PYROXD1: variants seen among roughly 807,000 people sequenced by gnomAD.
PYROXD1 encodes pyridine nucleotide-disulphide oxidoreductase domain 1.
Under a neutral mutation model 62.0 loss-of-function variants are expected in PYROXD1, and 42 were observed. That is an observed-to-expected ratio of 0.68 (90% CI 0.53 to 0.88). PYROXD1 has a LOEUF of 0.88. Among genes scored for constraint, PYROXD1 ranks in the 40% least tolerant of loss-of-function variants. The pLI, the probability that PYROXD1 is intolerant of heterozygous loss-of-function variation, is 0.00. For synonymous variants in PYROXD1, 170 were observed against 206.4 expected (o/e 0.82, Z 1.51); for missense variants, 493 against 604.8 (o/e 0.82, Z 1.94).
rs773869207 is a variant in PYROXD1 at position 21,462,778 on chromosome 12, T to A, written c.1032T>A (p.Asp344Glu). The change falls in exon 10 of 12, where the codon GAT (aspartate) becomes GAA (glutamate). Residue 344 changes from aspartate (D) to glutamate (E), a missense_variant. Asp to Glu is a conservative substitution (Grantham distance 45, BLOSUM62 2). This residue lies in a region of PYROXD1 where 329 missense variants were observed against 446.6 expected (regional missense o/e 0.74). Transcript: ENST00000240651. ...LGEDGGLKVD[D>E]HMHTSLPDIY... ...AAGATGGTGGCCTGAAAGTGGATGA[T>A]CATATGCACACATCCCTTCCTGATA... 3 of 1,613,772 alleles carry A rather than the reference T, an allele frequency of 1.9e-6. No homozygotes were observed. Among genetic ancestry groups the A allele is most frequent in the Non-Finnish European group, 2.5e-6 (3 of 1,179,808 alleles).
intron 3 of PYROXD1, among the ~76,000 whole-genome samples, chr12:21,447,347 T>C (rs563814589): frequency 6.6e-6 from 1 of 152,216 alleles, no homozygotes. Flanking sequence ...CTAATACTTA[T>C]AGTGGTATTA....
chr12:21,456,790 C>G (rs1004456493), intron 7 of PYROXD1: 8 of 419,670 alleles, frequency 1.9e-5, no homozygotes, highest in African/African-American at 1.0e-4. Context: ...GAAGTTCTTT[C>G]AAAAGTCAAT....
chr12:21,440,929 T>C (rs550660297), intron 2 of PYROXD1, among the ~76,000 whole-genome samples: 1 of 152,344 alleles, frequency 6.6e-6, no homozygotes, highest in South Asian at 2.1e-4. Flanking sequence ...ATGATTTTTG[T>C]CCTTTGTTCT....
intron 2 of PYROXD1, among the ~76,000 whole-genome samples, chr12:21,444,418 A>G (rs1195734745): frequency 6.6e-6 from 1 of 152,218 alleles, no homozygotes; most frequent in Admixed American, 6.5e-5. Flanking sequence ...GGGATTAAGG[A>G]TGAGATATGA....
chr12:21,460,876 T>TAA (rs1463041538), intron 7 of PYROXD1, 149 bp from the exon 8 acceptor site: 2 of 459,760 alleles, frequency 4.4e-6, no homozygotes, highest in Non-Finnish European at 7.5e-6. Context: ...TAGAGAGACT[T>TAA]ATTTTAGGGC....
intron 7 of PYROXD1, among the ~76,000 whole-genome samples, chr12:21,456,306 T>A (rs1213706618): frequency 6.6e-6 from 1 of 152,178 alleles, no homozygotes; most frequent in African/African-American, 2.4e-5. Context: ...GATCTCAGCC[T>A]ACGTTTTAAC....
rs6500 is a variant in PYROXD1, at chr12:21,471,035, A to G, written c.*2281A>G. The stretch of plus-strand genomic sequence containing the variant: ...TAGCATGTGCCTCATTGTTCAGAAG[A>G]TTAGCTTTAGGTCCTATTTTCAAAT... On this transcript the variant is annotated 3_prime_UTR_variant, in exon 12 of 12. Transcript: ENST00000240651. 153,571 of 1,599,836 alleles carry G rather than the reference A, an allele frequency of 0.096. 8,548 individuals carry two copies. The highest frequency in any genetic ancestry group is 0.29 in the East Asian group (12,495 of 43,412).
intron 1 of PYROXD1, chr12:21,438,090 G>C (rs1459511339): frequency 9.2e-6 from 4 of 433,430 alleles, no homozygotes; most frequent in South Asian, 9.4e-5. Flanking sequence ...TGTCAGAGCA[G>C]ACATGAGGAC....
intron 8 of PYROXD1, among the ~76,000 whole-genome samples, chr12:21,461,682 G>A (rs755048498): frequency 1.1e-4 from 16 of 151,964 alleles, no homozygotes; most frequent in Non-Finnish European, 1.0e-4. Flanking sequence ...ACACTTAAGT[G>A]GAGTGTAAAG....
At chr12:21,462,718 G>A (rs374732110) in intron 9 of PYROXD1, 22 bp from the exon 10 acceptor site, 13 of 1,611,590 alleles carry the variant, frequency 8.1e-6, no homozygotes, top group Middle Eastern at 1.8e-4. Flanking sequence ...AACACTTAAC[G>A]CTTATGAGGA....
In PYROXD1 at chr12:21,468,485, C is replaced by A. The variant is rs11046075; in HGVS notation, c.1255-21C>A. 153,868 of 1,597,556 alleles carry A rather than the reference C, an allele frequency of 0.096. 8,587 individuals carry two copies. Among genetic ancestry groups the A allele is most frequent in the East Asian group, 0.29 (12,909 of 44,476 alleles). The stretch of plus-strand genomic sequence containing the variant: ...TTCTTTATGATACTCATGACAATAA[C>A]CTTTTTATCTCTAAATATAGGTTGT... On this transcript the variant is annotated intron_variant, in intron 11 of 11. Transcript: ENST00000240651.
chr12:21,468,780 T>C lies in PYROXD1; in HGVS notation c.*26T>C. The C allele has an allele frequency of 1.3e-6, 2 of 1,588,476 alleles. No individual in the cohort carries two copies. The highest frequency in any genetic ancestry group is 1.7e-6 in the Non-Finnish European group (2 of 1,163,802). On this transcript the variant is annotated 3_prime_UTR_variant, in exon 12 of 12. Coordinates refer to ENST00000240651, the MANE Select transcript of PYROXD1 (RefSeq NM_024854.5). ...AAATGGAATTTCTTCAGGAATCATATAAAGTTCCAAATGACACCAGAAAAA... is the reference window on the plus strand; with the variant it reads ...AAATGGAATTTCTTCAGGAATCATACAAAGTTCCAAATGACACCAGAAAAA...
intron 3 of PYROXD1, among the ~76,000 whole-genome samples, chr12:21,446,221 A>T (rs937309249): frequency 6.6e-6 from 1 of 152,068 alleles, no homozygotes; most frequent in African/African-American, 2.4e-5. Context: ...CAGGAGATTG[A>T]GACCATCCTG....
intron 8 of PYROXD1, 70 bp downstream of exon 8, chr12:21,461,224 G>T: frequency 1.0e-6 from 1 of 956,194 alleles, no homozygotes; most frequent in Non-Finnish European, 1.5e-6. Flanking sequence ...ATCCTGCTGT[G>T]TTCTATTAAA....
At chr12:21,450,718 T>C (rs1414289023) in intron 4 of PYROXD1, among the ~76,000 whole-genome samples, 1 of 152,214 alleles carries the variant, frequency 6.6e-6, no homozygotes, top group Admixed American at 6.5e-5. Context: ...CCTATTCTCT[T>C]AATAATTAGG....
intron 2 of PYROXD1, among the ~76,000 whole-genome samples, chr12:21,444,170 C>T (rs1378310520): frequency 6.6e-6 from 1 of 152,182 alleles, no homozygotes; most frequent in Non-Finnish European, 1.5e-5. Flanking sequence ...CTGTAAGCTG[C>T]TTCACCTGTA....
chr12:21,442,137 C>T (rs573121949), intron 2 of PYROXD1, among the ~76,000 whole-genome samples: 2 of 152,288 alleles, frequency 1.3e-5, no homozygotes, highest in Admixed American at 1.3e-4. Context: ...TAGGGGATCC[C>T]TGTTGGCACT....
At chr12:21,457,123 G>T in intron 7 of PYROXD1, 4 of 275,482 alleles carry the variant, frequency 1.5e-5, no homozygotes, top group East Asian at 1.1e-4. Context: ...TGTTAATGTT[G>T]ATATTTTGAC....
chr12:21,449,944 G>A (rs1371789169), intron 4 of PYROXD1, among the ~76,000 whole-genome samples: 7 of 149,886 alleles, frequency 4.7e-5, no homozygotes, highest in African/African-American at 7.4e-5. Flanking sequence ...TGCAAGCTCC[G>A]CCTCCCAGTT....
Sources: gnomAD v4.1 joint callset for allele counts (sites outside exome capture counted in the v4.1 genomes callset) on GRCh38, gnomAD v4.1.1 for gene constraint, gnomAD v4.1.1 regional missense constraint, MANE v1.5 for transcripts, NCBI Gene and HGNC (gene_info 2026-07-23, HGNC 2026-07-21) for gene names.